JHY: variants seen among roughly 807,000 people sequenced by gnomAD.
The protein encoded by JHY is jhy protein homolog.
In JHY, 69 loss-of-function variants were observed where a neutral mutation model predicts 78.0. The ratio of observed to expected loss-of-function variants is 0.88; its 90% CI spans 0.73 to 1.08. The LOEUF (loss-of-function observed/expected upper bound fraction) is 1.08. Ranked by LOEUF, JHY falls within the 50% of genes least tolerant of loss-of-function variation. The probability of loss-of-function intolerance (pLI) is 0.00; values close to 1 mark genes in which losing one functional copy is unlikely to be tolerated. For synonymous variants in JHY, 368 were observed against 342.6 expected, an observed-to-expected ratio of 1.07 and a Z score of -0.82; for missense variants, 944 against 927.8, an observed-to-expected ratio of 1.02 and a Z score of -0.23.
intron 6 of JHY, among the ~76,000 whole-genome samples, chr11:122,948,908 A>G (rs776931409): frequency 1.3e-5 from 2 of 151,920 alleles, no homozygotes; most frequent in Non-Finnish European, 2.9e-5. Flanking sequence ...ATATGGTGAA[A>G]CCCCGTCTGT....
chr11:122,896,298 G>A (rs141076832), intron 2 of JHY, among the ~76,000 whole-genome samples: 1 of 124,480 alleles, frequency 8.0e-6, no homozygotes, highest in South Asian at 2.6e-4. Flanking sequence ...AGCTGAGATC[G>A]CACCACTGCA....
chr11:122,902,920 A>T (rs998319375), intron 2 of JHY, among the ~76,000 whole-genome samples: 7 of 152,202 alleles, frequency 4.6e-5, no homozygotes, highest in Non-Finnish European at 8.8e-5. Flanking sequence ...ATCATACAGT[A>T]AATACAAAAG....
chr11:122,927,457 T>G (rs145778231), intron 4 of JHY, among the ~76,000 whole-genome samples: 19 of 152,342 alleles, frequency 1.2e-4, no homozygotes, highest in African/African-American at 4.6e-4. Flanking sequence ...ATTTGTGGAC[T>G]GCCCACTGCA....
At chr11:122,889,956 A>G (rs1862574745) in intron 2 of JHY, among the ~76,000 whole-genome samples, 1 of 152,034 alleles carries the variant, frequency 6.6e-6, no homozygotes, top group Non-Finnish European at 1.5e-5. Context: ...CACATTGCCC[A>G]GGCTGTCCTT....
At chr11:122,929,569 A>G (rs1363784272) in intron 4 of JHY, among the ~76,000 whole-genome samples, 1 of 152,188 alleles carries the variant, frequency 6.6e-6, no homozygotes, top group Non-Finnish European at 1.5e-5. Context: ...CACGCATCCC[A>G]GGACTCAGAC....
chr11:122,963,626 C>G lies in JHY; in HGVS notation c.*4181C>G, dbSNP rs1227801685. The stretch of plus-strand genomic sequence containing the variant: ...TTAAAGTAAATTGTACTAATGACAA[C>G]AATAGTGATCTTTTATAGGCCCAAG... On this transcript the variant is annotated 3_prime_UTR_variant, in exon 9 of 9. Transcript: ENST00000227349. Among the ~76,000 whole-genome samples, 1 of 152,098 alleles carries G rather than the reference C, an allele frequency of 6.6e-6. No individual in the cohort carries two copies. The highest frequency in any genetic ancestry group is 6.5e-5 in the Admixed American group (1 of 15,270).
intron 3 of JHY, among the ~76,000 whole-genome samples, chr11:122,920,239 G>T (rs1863333201): frequency 6.6e-6 from 1 of 152,204 alleles, no homozygotes; most frequent in South Asian, 2.1e-4. Flanking sequence ...CCAGTATTAT[G>T]CCTGGAAGCA....
intron 3 of JHY, among the ~76,000 whole-genome samples, chr11:122,918,745 C>T (rs1034269140): frequency 6.6e-6 from 1 of 151,258 alleles, no homozygotes; most frequent in African/African-American, 2.5e-5. Context: ...TATTTTCATG[C>T]CGTCGTATTT....
At chr11:122,929,249 T>G (rs1452069504) in intron 4 of JHY, among the ~76,000 whole-genome samples, 4 of 151,960 alleles carry the variant, frequency 2.6e-5, no homozygotes, top group African/African-American at 9.7e-5. Flanking sequence ...TGTTTTTTTT[T>G]TTTTTTAAAG....
At chr11:122,891,047 T>A (rs1251615692) in intron 2 of JHY, among the ~76,000 whole-genome samples, 1 of 152,188 alleles carries the variant, frequency 6.6e-6, no homozygotes, top group Non-Finnish European at 1.5e-5. Context: ...TGCTGGGATC[T>A]GAGTAGTTTA....
intron 3 of JHY, among the ~76,000 whole-genome samples, chr11:122,909,973 A>T (rs1021206328): frequency 6.6e-6 from 1 of 152,150 alleles, no homozygotes; most frequent in African/African-American, 2.4e-5. Context: ...ATCTGTACAA[A>T]ATTGTTCATT....
At chr11:122,884,176 A>T (rs926198469) in intron 1 of JHY, among the ~76,000 whole-genome samples, 2 of 152,266 alleles carry the variant, frequency 1.3e-5, no homozygotes, top group Non-Finnish European at 1.5e-5. Flanking sequence ...GCAGACTTCG[A>T]GTTCAATAGA....
intron 4 of JHY, among the ~76,000 whole-genome samples, chr11:122,928,869 T>C (rs935172507): frequency 5.9e-5 from 9 of 152,124 alleles, no homozygotes; most frequent in South Asian, 2.1e-4. Context: ...AGGATGGTCT[T>C]GATCTCCTGA....
chr11:122,899,636 C>T (rs761547217), intron 2 of JHY, among the ~76,000 whole-genome samples: 13 of 152,180 alleles, frequency 8.5e-5, no homozygotes, highest in Admixed American at 1.3e-4. Context: ...AGTTAGGAAA[C>T]GAAAGATCAC....
At chr11:122,911,059 C>T (rs1863111603) in intron 3 of JHY, among the ~76,000 whole-genome samples, 1 of 152,142 alleles carries the variant, frequency 6.6e-6, no homozygotes, top group Non-Finnish European at 1.5e-5. Flanking sequence ...GTTCACTAGC[C>T]TAAAGTATTT....
intron 2 of JHY, among the ~76,000 whole-genome samples, chr11:122,892,474 C>T (rs1862642489): frequency 6.6e-6 from 1 of 152,024 alleles, no homozygotes; most frequent in South Asian, 2.1e-4. Flanking sequence ...AGGCGCGTGC[C>T]ACCATGCCTG....
chr11:122,899,013 C>T (rs1441309702), intron 2 of JHY, among the ~76,000 whole-genome samples: 2 of 152,178 alleles, frequency 1.3e-5, no homozygotes, highest in Admixed American at 1.3e-4. Flanking sequence ...TTCTGAGTCA[C>T]GCCAGCACTT....
intron 3 of JHY, among the ~76,000 whole-genome samples, chr11:122,906,070 G>A (rs1210852561): frequency 6.6e-6 from 1 of 152,040 alleles, no homozygotes; most frequent in Admixed American, 6.6e-5. Flanking sequence ...GCAGTTTTTA[G>A]TATTTTTACC....
Position 122,938,155 on chromosome 11 carries a change from C to T in JHY, c.1634+3080C>T, listed in dbSNP as rs184187063. Among the ~76,000 whole-genome samples, 337 of 152,154 alleles carry T rather than the reference C, an allele frequency of 2.2e-3. 4 individuals are homozygous for T. Among genetic ancestry groups the T allele is most frequent in the Middle Eastern group, 0.01 (3 of 294 alleles). On this transcript the variant is annotated intron_variant, in intron 5 of 8. Coordinates refer to ENST00000227349, the MANE Select transcript of JHY (RefSeq NM_024806.4). ...GAGCTGGGGCCTTTAAACCTGAAAA[C>T]ATATGACCTTCAGTTCTGGGAAAAT...
Sources: allele counts gnomAD v4.1 joint callset (sites outside exome capture counted in the v4.1 genomes callset), GRCh38; gene constraint gnomAD v4.1.1; transcripts MANE v1.5; gene names NCBI Gene and HGNC (gene_info 2026-07-23, HGNC 2026-07-21).